Variants in FER1L6 observed in about 807,000 individuals in gnomAD.
FER1L6 encodes fer-1 like family member 6.
A neutral mutation model predicts 219.2 loss-of-function variants in FER1L6; 177 were observed. That is an observed-to-expected ratio of 0.81 (90% CI 0.71 to 0.91). FER1L6 has a LOEUF of 0.91. Ranked by LOEUF, FER1L6 falls within the 40% of genes least tolerant of loss-of-function variation. The probability of loss-of-function intolerance (pLI) is 0.00; values close to 1 mark genes in which losing one functional copy is unlikely to be tolerated. For missense variants in FER1L6, 2,153 were observed against 2,259.9 expected (o/e 0.95, Z 0.96); for synonymous variants, 768 against 824.3 (o/e 0.93, Z 1.17).
At chr8:123,991,801 C>T (rs1166774549) in intron 12 of FER1L6, among the ~76,000 whole-genome samples, 1 of 152,004 alleles carries the variant, frequency 6.6e-6, no homozygotes, top group African/African-American at 2.4e-5. Flanking sequence ...CAACTTTTCC[C>T]CATTCAATAT....
chr8:123,978,078 G>A (rs1326235716), intron 10 of FER1L6, among the ~76,000 whole-genome samples: 1 of 152,130 alleles, frequency 6.6e-6, no homozygotes. Flanking sequence ...GGTTTGAGTT[G>A]GTTCAGGGCA....
intron 20 of FER1L6, among the ~76,000 whole-genome samples, chr8:124,040,979 T>C (rs1391518349): frequency 2.0e-5 from 3 of 152,224 alleles, no homozygotes; most frequent in Non-Finnish European, 4.4e-5. Context: ...GTTTCCTCTG[T>C]CTTTCTCCCT....
intron 31 of FER1L6, among the ~76,000 whole-genome samples, chr8:124,072,891 C>G (rs1821136685): frequency 6.6e-6 from 1 of 152,190 alleles, no homozygotes; most frequent in African/African-American, 2.4e-5. Flanking sequence ...CACTCCTTAG[C>G]AAACAGAACG....
intron 34 of FER1L6, among the ~76,000 whole-genome samples, chr8:124,092,803 A>C (rs1822093869): frequency 6.6e-6 from 1 of 151,444 alleles, no homozygotes; most frequent in African/African-American, 2.4e-5. Flanking sequence ...CCAGCATGGC[A>C]CTCACATGGC....
At chr8:124,022,732 C>T (rs765309139) in intron 17 of FER1L6, among the ~76,000 whole-genome samples, 1 of 152,094 alleles carries the variant, frequency 6.6e-6, no homozygotes, top group Admixed American at 6.5e-5. Flanking sequence ...TGTTATCTGA[C>T]TCTGAGCAGT....
intron 1 of FER1L6, among the ~76,000 whole-genome samples, chr8:123,875,940 G>A (rs1019556292): frequency 6.6e-6 from 1 of 152,140 alleles, no homozygotes; most frequent in African/African-American, 2.4e-5. Context: ...ACTCACTCCT[G>A]TTTCATACCT....
chr8:123,981,286 A>G (rs1274053928), intron 11 of FER1L6, among the ~76,000 whole-genome samples: 1 of 151,544 alleles, frequency 6.6e-6, no homozygotes, highest in Non-Finnish European at 1.5e-5. Context: ...GGAAATCACA[A>G]CTCTAGGGTA....
At chr8:123,911,663 G>C (rs1475317199) in intron 1 of FER1L6, among the ~76,000 whole-genome samples, 1 of 152,130 alleles carries the variant, frequency 6.6e-6, no homozygotes, top group Non-Finnish European at 1.5e-5. Flanking sequence ...CTTGGAGATT[G>C]CCTAATCTAG....
chr8:123,956,048 T>G lies in FER1L6; in HGVS notation c.50T>G (p.Leu17Ter). ...AAGAGAAATAAGGCAGAGAAGGGGT[T>G]AATCCTAGCCAACAAGGCTGCGAAA... is the stretch of plus-strand genomic sequence containing the variant. ...KKKRNKAEKG[L>*]ILANKAAKDS... The change falls in exon 2 of 41, where the codon TTA becomes TGA. Residue 17 changes from leucine to a stop codon, truncating the protein, a stop_gained. Coordinates refer to ENST00000522917, the MANE Select transcript of FER1L6 (RefSeq NM_001039112.2). LOFTEE classifies it high-confidence loss of function. 1 of 1,612,250 alleles carries G rather than the reference T, an allele frequency of 6.2e-7. No homozygotes were observed. The highest frequency in any genetic ancestry group is 8.5e-7 in the Non-Finnish European group (1 of 1,179,452).
At chr8:123,950,747 C>A (rs547952947) in intron 1 of FER1L6, among the ~76,000 whole-genome samples, 12 of 152,306 alleles carry the variant, frequency 7.9e-5, no homozygotes, top group African/African-American at 2.4e-4. Context: ...CACCTACTAT[C>A]ACAATGAGAT....
Position 124,061,832 on chromosome 8 carries a change from A to G in FER1L6, c.3148-20A>G. On this transcript the variant is annotated intron_variant, in intron 24 of 40. Transcript: ENST00000522917. ...GGAAGGGTCACCAGGCCCCTTCTTC[A>G]TCTCATCCTCTCTCTGCAGGAACTG... 6.2e-7 allele frequency: 1 copy of G among 1,612,098 alleles called. No individual in the cohort carries two copies.
intron 1 of FER1L6, among the ~76,000 whole-genome samples, chr8:123,879,633 T>C (rs1466965731): frequency 1.3e-5 from 2 of 151,094 alleles, no homozygotes; most frequent in South Asian, 2.1e-4. Flanking sequence ...CCGGAGTCAA[T>C]ATTATTTAAC....
rs1207856324 is a variant in FER1L6, at chr8:123,853,599, AG to A, written c.-8+1417del. Among the ~76,000 whole-genome samples the A allele has an allele frequency of 4.6e-5, 7 of 152,274 alleles. No homozygotes were observed. Among genetic ancestry groups the A allele is most frequent in the Admixed American group, 4.6e-4 (7 of 15,300 alleles). On this transcript the variant is annotated intron_variant, in intron 1 of 40. Transcript: ENST00000522917. This position sits in a 1 kb window ranked among gnomAD's most constrained non-coding sequence, Gnocchi z 6.6. ...TGTATTAATCAGGGGAGATTTTACA[AG>A]GGTGGATGAGTAGAGAAAAAGGGGT...
chr8:124,013,222 T>A (rs980585231), intron 14 of FER1L6, among the ~76,000 whole-genome samples: 1 of 152,174 alleles, frequency 6.6e-6, no homozygotes. Context: ...AAGACTTGTA[T>A]GTGGACCAAT....
chr8:124,004,780 C>T lies in FER1L6; in HGVS notation c.1700+1433C>T, dbSNP rs566375566. ...TTGGGAGGCCGAGGCGGGTGGATCG[C>T]GAGGTCAGGAGTTCAAGACCAGCCT... On this transcript the variant is annotated intron_variant, in intron 13 of 40. Transcript: ENST00000522917. 9.9e-5 allele frequency among the ~76,000 whole-genome samples: 15 copies of T among 151,950 alleles called. No individual in the cohort carries two copies. The South Asian group carries it at 1.0e-3, about 11-fold the overall frequency.
intron 37 of FER1L6, among the ~76,000 whole-genome samples, chr8:124,099,427 T>G (rs1203360008): frequency 1.3e-5 from 2 of 152,220 alleles, no homozygotes; most frequent in African/African-American, 4.8e-5. Context: ...ACAGACCCTT[T>G]GCTCACTGAC....
At chr8:123,858,138 C>T (rs1341794859) in intron 1 of FER1L6, among the ~76,000 whole-genome samples, 1 of 152,136 alleles carries the variant, frequency 6.6e-6, no homozygotes, top group Non-Finnish European at 1.5e-5. Context: ...ATGGGTTCTC[C>T]TACTTTAACC....
At chr8:124,110,611 G>A (rs1022300070) in intron 39 of FER1L6, among the ~76,000 whole-genome samples, 7 of 152,168 alleles carry the variant, frequency 4.6e-5, no homozygotes, top group South Asian at 2.1e-4. Context: ...AAAGCAACCC[G>A]TTAAGAGATT....
chr8:123,868,953 T>A (rs756654927), intron 1 of FER1L6, among the ~76,000 whole-genome samples: 2 of 152,194 alleles, frequency 1.3e-5, no homozygotes, highest in African/African-American at 2.4e-5. Context: ...GGGAGAGTTG[T>A]GAGCTGTCAT....
Sources: allele counts gnomAD v4.1 joint callset (sites outside exome capture counted in the v4.1 genomes callset), GRCh38; gene constraint gnomAD v4.1.1; non-coding constraint Gnocchi (gnomAD v3.1); transcripts MANE v1.5; gene names NCBI Gene and HGNC (gene_info 2026-07-23, HGNC 2026-07-21).